Variants in RHBDD1 observed in about 807,000 individuals in gnomAD.
The protein encoded by RHBDD1 is rhomboid-related protein 4.
In RHBDD1, 38 loss-of-function variants were observed where a neutral mutation model predicts 36.3. The ratio of observed to expected loss-of-function variants is 1.05; its 90% confidence interval spans 0.81 to 1.37. The LOEUF (loss-of-function observed/expected upper bound fraction) is 1.37. RHBDD1 is among the 40% of genes most tolerant of loss of function. RHBDD1 has a pLI of 0.00. For missense variants in RHBDD1, 393 were observed against 377.6 expected (o/e 1.04, Z -0.34); for synonymous variants, 151 against 136.5 (o/e 1.11, Z -0.74).
At chr2:226,958,428 T>G (rs995653925) in intron 8 of RHBDD1, among the ~76,000 whole-genome samples, 2 of 152,074 alleles carry the variant, frequency 1.3e-5, no homozygotes, top group Non-Finnish European at 2.9e-5. Flanking sequence ...GGCATTGAGT[T>G]TCTGTTTGGG....
At chr2:226,929,619 T>A (rs766832522) in intron 8 of RHBDD1, among the ~76,000 whole-genome samples, 3 of 151,944 alleles carry the variant, frequency 2.0e-5, no homozygotes, top group African/African-American at 7.2e-5. Flanking sequence ...CTTTCACCAC[T>A]CTATTCAACA....
At chr2:226,910,742 A>G (rs1338194132) in intron 7 of RHBDD1, among the ~76,000 whole-genome samples, 1 of 152,112 alleles carries the variant, frequency 6.6e-6, no homozygotes, top group African/African-American at 2.4e-5. Flanking sequence ...TTTGATTGCT[A>G]GGTTTTTCCA....
intron 8 of RHBDD1, among the ~76,000 whole-genome samples, chr2:226,950,184 C>G (rs530509359): frequency 1.3e-5 from 2 of 152,152 alleles, no homozygotes; most frequent in Admixed American, 1.3e-4. Context: ...ATTTTGTACC[C>G]TTTGACCCAG....
rs907203878 is a variant in RHBDD1, at chr2:226,992,262, A to G, written c.857-3169A>G. On this transcript the variant is annotated intron_variant, in intron 8 of 8. Transcript: ENST00000392062. ...TGGCTCCAACGCAGAGCACACACAC[A>G]GTAGTCGGTGTAGGTTAGGGGCTGA... is the stretch of plus-strand genomic sequence containing the variant. Among the ~76,000 whole-genome samples, 4 of 152,354 alleles carry G rather than the reference A, an allele frequency of 2.6e-5. No homozygotes were observed. In the East Asian group the frequency reaches 5.8e-4, roughly 22 times the overall value.
chr2:226,841,545 A>C (rs1343343667), intron 3 of RHBDD1, among the ~76,000 whole-genome samples: 1 of 152,116 alleles, frequency 6.6e-6, no homozygotes, highest in Non-Finnish European at 1.5e-5. Flanking sequence ...ATAAGTGAGA[A>C]CATGCAGTGT....
At chr2:226,984,523 C>T (rs918660926) in intron 8 of RHBDD1, among the ~76,000 whole-genome samples, 1 of 152,182 alleles carries the variant, frequency 6.6e-6, no homozygotes, top group African/African-American at 2.4e-5. Context: ...CTCCACATGC[C>T]ATCACATTGA....
At chr2:226,829,976 GT>G in the RHBDD1 span, among the ~76,000 whole-genome samples, 1,263 of 146,228 alleles carry the variant, frequency 8.6e-3, 16 homozygotes, top group South Asian at 0.045. Context: ...TTGACTGTAG[GT>G]TTTTTTTTTT....
At chr2:226,992,515 T>C (rs1958467870) in intron 8 of RHBDD1, among the ~76,000 whole-genome samples, 1 of 152,186 alleles carries the variant, frequency 6.6e-6, no homozygotes, top group South Asian at 2.1e-4. Flanking sequence ...GTTTGGGTTG[T>C]ATTGTTATAC....
intron 8 of RHBDD1, among the ~76,000 whole-genome samples, chr2:226,982,995 CCT>C (rs999464604): frequency 6.6e-6 from 1 of 150,416 alleles, no homozygotes; most frequent in Non-Finnish European, 1.5e-5. Context: ...CATAGCATAA[CCT>C]AGGAAACTAC....
At chr2:226,905,269 G>T (rs1005385804) in intron 5 of RHBDD1, among the ~76,000 whole-genome samples, 9 of 152,062 alleles carry the variant, frequency 5.9e-5, no homozygotes, top group Non-Finnish European at 1.3e-4. Flanking sequence ...AGGCAGACGT[G>T]TAAGTACTGT....
chr2:226,834,515 G>A (rs1033802596), upstream of RHBDD1, among the ~76,000 whole-genome samples: 4 of 152,142 alleles, frequency 2.6e-5, no homozygotes, highest in African/African-American at 9.7e-5. Context: ...AAAGTCATAT[G>A]TACACCCACA....
At chr2:226,904,133 C>G (rs1368426134) in intron 5 of RHBDD1, among the ~76,000 whole-genome samples, 1 of 152,200 alleles carries the variant, frequency 6.6e-6, no homozygotes, top group African/African-American at 2.4e-5. Context: ...AACTTTCACA[C>G]TGGCCCTCTG....
At chr2:226,803,169 T>A in the RHBDD1 span, among the ~76,000 whole-genome samples, 1 of 152,234 alleles carries the variant, frequency 6.6e-6, no homozygotes, top group Non-Finnish European at 1.5e-5. Context: ...AAGATCTGTT[T>A]TTATTTTAAG....
intron 8 of RHBDD1, among the ~76,000 whole-genome samples, chr2:226,980,877 T>A (rs1253560496): frequency 6.6e-6 from 1 of 152,198 alleles, no homozygotes; most frequent in Non-Finnish European, 1.5e-5. Context: ...TTATAAATAA[T>A]TAATGTCTAT....
At chr2:226,871,521 T>A (rs1376252538) in intron 5 of RHBDD1, among the ~76,000 whole-genome samples, 1 of 152,258 alleles carries the variant, frequency 6.6e-6, no homozygotes, top group African/African-American at 2.4e-5. Flanking sequence ...AAAATTCATA[T>A]ATTGCCTTTG....
chr2:226,883,884 G>A (rs1289159308), intron 5 of RHBDD1, among the ~76,000 whole-genome samples: 7 of 152,124 alleles, frequency 4.6e-5, no homozygotes, highest in African/African-American at 1.4e-4. Context: ...AATATTAGAA[G>A]TTAATTACAA....
intron 5 of RHBDD1, chr2:226,869,191 A>G: frequency 1.0e-6 from 1 of 985,238 alleles, no homozygotes; most frequent in South Asian, 4.7e-5. Context: ...TCTGTGTCAT[A>G]TGCATATTCT....
At chr2:226,895,769 C>T in intron 5 of RHBDD1, 1 of 985,358 alleles carries the variant, frequency 1.0e-6, no homozygotes, top group Non-Finnish European at 1.2e-6. Flanking sequence ...TTGCCTGTGC[C>T]AAATGGAGGA....
In RHBDD1 at chr2:226,859,869, TA is replaced by T. The variant is rs1943685974; in HGVS notation, c.-90-4733del. Among the ~76,000 whole-genome samples the T allele has an allele frequency of 3.3e-5, 5 of 152,184 alleles. No homozygotes were observed. In the South Asian group the frequency reaches 1.0e-3, roughly 32 times the overall value. On this transcript the variant is annotated intron_variant, in intron 3 of 8. Coordinates refer to ENST00000392062, the MANE Select transcript of RHBDD1 (RefSeq NM_001167608.3). ...GCTTCAGTTTTATACAAGATTACTC[TA>T]AGCAGTGGTGGAAAATAGTTAGTGG...
Sources: allele counts gnomAD v4.1 joint callset (sites outside exome capture counted in the v4.1 genomes callset), GRCh38; gene constraint gnomAD v4.1.1; transcripts MANE v1.5; gene names NCBI Gene and HGNC (gene_info 2026-07-23, HGNC 2026-07-21).